Variants in ATP7A observed in about 807,000 individuals in gnomAD.
ATP7A encodes ATPase copper transporting alpha, also known as copper-transporting ATPase 1.
Under a neutral mutation model 83.5 loss-of-function variants are expected in ATP7A, and 7 were observed. The observed-to-expected ratio is 0.08, with a 90% CI of 0.05 to 0.16. ATP7A has a LOEUF of 0.16. ATP7A is among the 10% of genes least tolerant of loss of function. The pLI is 1.00. For missense variants in ATP7A, 940 were observed against 1,120.8 expected (o/e 0.84, Z 2.30); for synonymous variants, 354 against 395.2 (o/e 0.90, Z 1.24).
At chrX:77,947,795 A>G (rs2077389768) in intron 1 of ATP7A, among the ~76,000 whole-genome samples, 1 of 86,102 alleles carries the variant, frequency 1.2e-5, no homozygotes, top group Non-Finnish European at 2.2e-5. Context: ...GCTGGAGTGC[A>G]ATGGTGCGAT....
At chrX:78,042,925 G>A in intron 20 of ATP7A, 137 bp downstream of exon 20, 4 of 767,250 alleles carry the variant, frequency 5.2e-6, no homozygotes, top group Non-Finnish European at 5.9e-6. Context: ...AGAATATGGA[G>A]TGGGATTATG....
rs782619702 is a variant in ATP7A, at chrX:77,916,407, T to TGA, written c.-22+5576_-22+5577dup. On this transcript the variant is annotated intron_variant, in intron 1 of 22. Coordinates refer to ENST00000341514, the MANE Select transcript of ATP7A (RefSeq NM_000052.7). ...GAGAAAGAAAATGGAAAACTCAGATTGAGAGGGTCCCCCAGTAGCCTATAG... is the reference window on the plus strand; with the variant it reads ...GAGAAAGAAAATGGAAAACTCAGATTGAGAGAGGGTCCCCCAGTAGCCTATAG... Among the ~76,000 whole-genome samples the TGA allele has an allele frequency of 4.6e-5, 5 of 108,246 alleles. No homozygotes were observed. The Admixed American group carries it at 5.0e-4, about 11-fold the overall frequency. 94.0% of individuals were successfully genotyped at this position (108,246 alleles called of 115,157 possible).
At chrX:77,973,418 A>G (rs1395803675) in intron 2 of ATP7A, among the ~76,000 whole-genome samples, 1 of 112,029 alleles carries the variant, frequency 8.9e-6, no homozygotes, top group Non-Finnish European at 1.9e-5. Flanking sequence ...TTTGTGTTCC[A>G]CTTTGAAAGT....
At chrX:78,018,323 G>A (rs1361140397) in intron 12 of ATP7A, among the ~76,000 whole-genome samples, 1 of 107,872 alleles carries the variant, frequency 9.3e-6, no homozygotes, top group Non-Finnish European at 1.9e-5. Flanking sequence ...TGACCAACAT[G>A]GTGAAACCCC....
At chrX:77,964,170 A>T (rs1557228409) in intron 1 of ATP7A, 1 of 111,840 alleles carries the variant, frequency 8.9e-6, no homozygotes, top group Admixed American at 9.5e-5. Context: ...ATTTGACCTT[A>T]GTGACAATGT....
At chrX:77,985,322 G>A (rs1557231267) in intron 2 of ATP7A, among the ~76,000 whole-genome samples, 1 of 103,454 alleles carries the variant, frequency 9.7e-6, no homozygotes, top group East Asian at 3.4e-4. Flanking sequence ...CTGGCCTGAG[G>A]AAGTGATTTT....
intron 18 of ATP7A, 110 bp downstream of exon 18, chrX:78,039,092 A>G: frequency 3.5e-6 from 3 of 855,470 alleles, no homozygotes; most frequent in Non-Finnish European, 4.9e-6. Flanking sequence ...AGCATCTTGA[A>G]TGCAAAATGA....
At chrX:77,986,071 AT>A (rs1162559403) in intron 2 of ATP7A, among the ~76,000 whole-genome samples, 13 of 109,779 alleles carry the variant, frequency 1.2e-4, no homozygotes, top group African/African-American at 3.3e-4. Flanking sequence ...ACTATTCTGC[AT>A]TTTTTTTTCA....
intron 1 of ATP7A, among the ~76,000 whole-genome samples, chrX:77,956,613 A>G (rs1464495194): frequency 2.7e-5 from 3 of 111,281 alleles, no homozygotes; most frequent in African/African-American, 9.8e-5. Flanking sequence ...TCCACCATGA[A>G]CAAAAGCTCC....
At chrX:78,045,437 A>G (rs1557238980) in intron 21 of ATP7A, 33 bp from the exon 22 acceptor site, 3 of 1,041,714 alleles carry the variant, frequency 2.9e-6, no homozygotes, top group Non-Finnish European at 4.0e-6. Flanking sequence ...GTTTAGTATT[A>G]TCTACTCTAA....
chrX:77,955,461 C>T lies in ATP7A; in HGVS notation c.-21-16160C>T, dbSNP rs188699877. On this transcript the variant is annotated intron_variant, in intron 1 of 22. Transcript: ENST00000341514. ...TTTCTTAGAACATGCATTTATTTAT[C>T]AACATATATTGATACATAAAAATAC... Among the ~76,000 whole-genome samples, 251 of 111,401 alleles carry T rather than the reference C, an allele frequency of 2.3e-3. 1 individual carries two copies. Among genetic ancestry groups the T allele is most frequent in the African/African-American group, 7.5e-3 (230 of 30,732 alleles).
chrX:77,971,609 T>C lies in ATP7A; in HGVS notation c.-21-12T>C. ...GCATGGCTGAAATTAATGAATTTAT[T>C]GTTTCTAACAGGAATGTAATGAGGA... On this transcript the variant is annotated splice_polypyrimidine_tract_variant and intron_variant, in intron 1 of 22. Transcript: ENST00000341514. 8.3e-7 allele frequency: 1 copy of C among 1,206,188 alleles called. No homozygotes were observed. The highest frequency in any genetic ancestry group is 1.7e-5 in the African/African-American group (1 of 57,758).
intron 1 of ATP7A, among the ~76,000 whole-genome samples, chrX:77,926,104 T>C (rs1478452259): frequency 1.8e-5 from 2 of 110,734 alleles, no homozygotes; most frequent in East Asian, 5.7e-4. Context: ...GTTTGTAATC[T>C]ATACAAATCT....
At chrX:77,914,980 G>A (rs782229928) in intron 1 of ATP7A, among the ~76,000 whole-genome samples, 7 of 110,806 alleles carry the variant, frequency 6.3e-5, no homozygotes, top group Non-Finnish European at 1.1e-4. Flanking sequence ...CCATTGTATT[G>A]CGATATATTG....
intron 1 of ATP7A, among the ~76,000 whole-genome samples, chrX:77,933,597 G>T (rs2077302025): frequency 1.8e-5 from 2 of 112,147 alleles, no homozygotes; most frequent in Admixed American, 9.4e-5. Flanking sequence ...TGGGACTCAG[G>T]TTTAAACATG....
intron 2 of ATP7A, among the ~76,000 whole-genome samples, chrX:77,987,486 G>GTGTGTCTT (rs2077644749): frequency 9.2e-6 from 1 of 108,320 alleles, no homozygotes; most frequent in Admixed American, 1.0e-4. Flanking sequence ...GTGTGTGTGT[G>GTGTGTCTT]TCTTCATCAT....
In ATP7A at chrX:78,011,135, T is replaced by C. The variant is rs2077821258; in HGVS notation, c.1870-41T>C. ...TTAGAATTTCTCTATACAATATTTA[T>C]ATGTTCAGTGAAATAATTTTTTTCT... On this transcript the variant is annotated intron_variant, in intron 7 of 22. Coordinates refer to ENST00000341514, the MANE Select transcript of ATP7A (RefSeq NM_000052.7). 4 of 1,089,821 alleles carry C rather than the reference T, an allele frequency of 3.7e-6. No homozygotes were observed. In the South Asian group the frequency reaches 5.5e-5, roughly 15 times the overall value. The allele number at this position is 1,089,821 out of a possible 1,213,427, so 89.8% of individuals were successfully genotyped here.
chrX:77,976,952 C>T (rs1368434762), intron 2 of ATP7A, among the ~76,000 whole-genome samples: 2 of 111,129 alleles, frequency 1.8e-5, no homozygotes, highest in African/African-American at 6.5e-5. Context: ...TTCTTCCCGG[C>T]AACATCCCCG....
chrX:78,015,837 G>A lies in ATP7A; in HGVS notation c.2582G>A (p.Arg861His), dbSNP rs782174967. The A allele has an allele frequency of 1.2e-5, 15 of 1,209,943 alleles. No individual in the cohort carries two copies. Among genetic ancestry groups the A allele is most frequent in the South Asian group, 8.8e-5 (5 of 56,862 alleles). Residue 861 changes from arginine to histidine, a missense_variant, in exon 12 of 23, where the codon CGT becomes CAT. Arg to His is a conservative substitution (Grantham distance 29). Transcript: ENST00000341514. ...VPGGKFPVDG[R>H]VIEGHSMVDE... ...GGAGGCAAATTTCCAGTGGATGGTC[G>A]TGTTATTGAAGGACATTCTATGGTA...
Sources: gnomAD v4.1 joint callset for allele counts (sites outside exome capture counted in the v4.1 genomes callset) on GRCh38, gnomAD v4.1.1 for gene constraint, MANE v1.5 for transcripts, NCBI Gene and HGNC (gene_info 2026-07-23, HGNC 2026-07-21) for gene names.